CATSPERD: variants seen among roughly 807,000 people sequenced by gnomAD.
CATSPERD encodes catsper channel auxiliary subunit delta.
In CATSPERD, 86 loss-of-function variants were observed where a neutral mutation model predicts 98.1. The observed-to-expected ratio is 0.88, with a 90% confidence interval of 0.74 to 1.05. CATSPERD has a LOEUF of 1.05. Ranked by LOEUF, CATSPERD falls within the 50% of genes least tolerant of loss-of-function variation. The pLI, the probability that CATSPERD is intolerant of heterozygous loss-of-function variation, is 0.00. For synonymous variants in CATSPERD, 394 were observed against 390.2 expected (o/e 1.01, Z -0.12); for missense variants, 995 against 1,005.7 (o/e 0.99, Z 0.14).
At chr19:5,748,503 C>A (rs1451234673) in intron 10 of CATSPERD, among the ~76,000 whole-genome samples, 1 of 150,926 alleles carries the variant, frequency 6.6e-6, no homozygotes, top group Non-Finnish European at 1.5e-5. Context: ...TGGTGGTGGG[C>A]GACTATAATC....
rs551626577 is a variant in CATSPERD, at chr19:5,770,888, G to A, written c.1635-56G>A. Reference sequence around the variant, plus strand: ...AAAGAAACTGCGGCTGTGAAGGGTTGGCAGACTGGGCAGGAACTCACAGAC... The same window carrying A: ...AAAGAAACTGCGGCTGTGAAGGGTTAGCAGACTGGGCAGGAACTCACAGAC... On this transcript the variant is annotated intron_variant, in intron 18 of 21. Coordinates refer to ENST00000381624, the MANE Select transcript of CATSPERD (RefSeq NM_152784.4). The A allele has an allele frequency of 2.1e-5, 32 of 1,545,430 alleles. No individual in the cohort carries two copies. The East Asian group carries it at 5.0e-4, about 24-fold the overall frequency.
intron 11 of CATSPERD, among the ~76,000 whole-genome samples, chr19:5,750,455 A>AAG (rs2056190417): frequency 6.7e-6 from 1 of 149,678 alleles, no homozygotes; most frequent in Non-Finnish European, 1.5e-5. Flanking sequence ...TGTCTCAAAA[A>AAG]AAAAAAAAAA....
chr19:5,776,296 A>G lies in CATSPERD; in HGVS notation c.2077A>G (p.Ile693Val), dbSNP rs1446448222. The change falls in exon 21 of 22, where the codon ATC becomes GTC. Residue 693 changes from isoleucine to valine, a missense_variant. Physicochemically the swap from Ile to Val is conservative, Grantham distance 29 (BLOSUM62 3). Transcript: ENST00000381624. ...HNGFYVFYISIVDPYYSYCQL... is the reference protein window; with the variant it reads ...HNGFYVFYISVVDPYYSYCQL... ...TGGCTTTTATGTCTTCTACATTTCG[A>G]TCGTGGATCCGTACTACAGGTGAGT... The G allele has an allele frequency of 5.0e-6, 8 of 1,610,666 alleles. No homozygotes were observed. The highest frequency in any genetic ancestry group is 2.7e-5 in the African/African-American group (2 of 74,824).
chr19:5,756,912 C>T (rs528816878), intron 13 of CATSPERD, among the ~76,000 whole-genome samples: 4 of 151,532 alleles, frequency 2.6e-5, no homozygotes, highest in Admixed American at 1.3e-4. Context: ...CACTGCACTG[C>T]AGCCTGGGTG....
chr19:5,766,723 C>T (rs1433819930), intron 17 of CATSPERD, among the ~76,000 whole-genome samples: 1 of 150,442 alleles, frequency 6.6e-6, no homozygotes, highest in Admixed American at 6.6e-5. Context: ...GATGGAGTCT[C>T]GCCCTGTCAC....
In CATSPERD at chr19:5,772,886, C is replaced by T. The variant is rs78536254; in HGVS notation, c.1862C>T (p.Ser621Leu). 0.049 allele frequency: 79,326 copies of T among 1,613,944 alleles called. 4,361 individuals are homozygous for T. The highest frequency in any genetic ancestry group is 0.34 in the East Asian group (15,124 of 44,838). Reference sequence around the variant, plus strand: ...TACTCCTATTCCCTGACGGCCCAGTCGGCCATGTGTACCTCCCAGCCGCAG... The same window carrying T: ...TACTCCTATTCCCTGACGGCCCAGTTGGCCATGTGTACCTCCCAGCCGCAG... The part of the protein sequence containing the change: ...FSYSYSLTAQ[S>L]AMCTSQPQNW... The change falls in exon 20 of 22, where the codon TCG becomes TTG. Residue 621 changes from serine (S) to leucine (L), a missense_variant. Physicochemically the swap from Ser to Leu is moderately radical, Grantham distance 145 (BLOSUM62 -2). Around this residue, in one of 3 missense-constraint regions of CATSPERD, gnomAD observed 762 missense variants for 773.7 expected, o/e 0.98. Coordinates refer to ENST00000381624, the MANE Select transcript of CATSPERD (RefSeq NM_152784.4).
At chr19:5,770,228 G>A (rs2056619795) in intron 18 of CATSPERD, among the ~76,000 whole-genome samples, 3 of 151,436 alleles carry the variant, frequency 2.0e-5, no homozygotes, top group African/African-American at 7.3e-5. Flanking sequence ...AGGAGTTCAA[G>A]ACCAGCCCAG....
intron 21 of CATSPERD, 68 bp downstream of exon 21, chr19:5,776,383 G>C: frequency 1.3e-6 from 2 of 1,569,130 alleles, no homozygotes; most frequent in Non-Finnish European, 1.7e-6. Flanking sequence ...CACCCGTTTC[G>C]GGGGACATGC....
chr19:5,766,632 C>A (rs927068616), intron 17 of CATSPERD, among the ~76,000 whole-genome samples: 31 of 151,836 alleles, frequency 2.0e-4, no homozygotes, highest in Admixed American at 1.6e-3. Flanking sequence ...AATGATTCAC[C>A]CTAATAGGTT....
At position 5,751,653 on chromosome 19, in the gene CATSPERD, G is replaced by A. The variant is rs201162599; in HGVS notation, c.994G>A (p.Asp332Asn). The change falls in exon 12 of 22, where the codon GAC (aspartate) becomes AAC (asparagine). Residue 332 changes from aspartate to asparagine, a missense_variant. Transcript: ENST00000381624. ...GGAATCATTTTCTTCTTAGTTTGCA[G>A]ACCAATACATCTGGTCAGAAGACGT... The part of the protein sequence containing the change: ...IVPSSIIKFA[D>N]QYIWSEDVAL... 1 of 1,553,604 alleles carries A rather than the reference G, an allele frequency of 6.4e-7. No homozygotes were observed. The highest frequency in any genetic ancestry group is 8.7e-7 in the Non-Finnish European group (1 of 1,146,162).
At chr19:5,743,427 GT>G (rs2056028346) in intron 7 of CATSPERD, among the ~76,000 whole-genome samples, 1 of 151,736 alleles carries the variant, frequency 6.6e-6, no homozygotes, top group African/African-American at 2.4e-5. Context: ...GCGAAACCCC[GT>G]TTCTACTAAA....
intron 21 of CATSPERD, among the ~76,000 whole-genome samples, chr19:5,777,800 G>A (rs569965566): frequency 2.2e-4 from 34 of 151,526 alleles, no homozygotes; most frequent in African/African-American, 7.0e-4. Context: ...GCTTGAACCC[G>A]GGAGGCAGAG....
Position 5,728,290 on chromosome 19 carries a change from G to A in CATSPERD, c.203+946G>A, listed in dbSNP as rs148924216. The stretch of plus-strand genomic sequence containing the variant: ...GGAGAATCACTTGAACCCAGGAGTC[G>A]GAGGTTGCAGTGAGCTGAGATCGCA... On this transcript the variant is annotated intron_variant, in intron 3 of 21. Coordinates refer to ENST00000381624, the MANE Select transcript of CATSPERD (RefSeq NM_152784.4). Among the ~76,000 whole-genome samples the A allele has an allele frequency of 8.0e-3, 1,192 of 149,600 alleles. 19 individuals are homozygous for A. The highest frequency in any genetic ancestry group is 0.027 in the African/African-American group (1,112 of 40,660).
chr19:5,768,586 T>C (rs2056587756), intron 18 of CATSPERD, among the ~76,000 whole-genome samples: 1 of 151,922 alleles, frequency 6.6e-6, no homozygotes, highest in South Asian at 2.1e-4. Flanking sequence ...TCCGCCCACC[T>C]CAGCCTCCCA....
rs115559237 is a variant in CATSPERD, at chr19:5,726,036, G to A, written c.126+1174G>A. 2.2e-3 allele frequency among the ~76,000 whole-genome samples: 338 copies of A among 151,916 alleles called. 3 individuals are homozygous for A. Among genetic ancestry groups the A allele is most frequent in the African/African-American group, 7.9e-3 (328 of 41,474 alleles). On this transcript the variant is annotated intron_variant, in intron 2 of 21. Transcript: ENST00000381624. ...ATAGTAACATGAATAGGTATGAGAT[G>A]TGATATGAATAATTACCCTGTTAAT... is the stretch of plus-strand genomic sequence containing the variant.
chr19:5,768,714 G>A (rs374613934), intron 18 of CATSPERD, among the ~76,000 whole-genome samples: 1 of 152,120 alleles, frequency 6.6e-6, no homozygotes, highest in East Asian at 1.9e-4. Context: ...GCTCACCACA[G>A]CCTCGACCTC....
chr19:5,740,639 C>T (rs1246225952), intron 7 of CATSPERD, among the ~76,000 whole-genome samples: 6 of 149,916 alleles, frequency 4.0e-5, no homozygotes, highest in East Asian at 2.0e-4. Flanking sequence ...TATTGGCGGA[C>T]GCCTGTAATC....
intron 12 of CATSPERD, 35 bp from the exon 13 acceptor site, chr19:5,754,097 G>A (rs755892642): frequency 2.8e-6 from 4 of 1,414,814 alleles, no homozygotes; most frequent in South Asian, 2.3e-5. Flanking sequence ...GGGAACAGGA[G>A]CATGATTATC....
At chr19:5,741,792 GGGGGGGT>G (rs1358914379) in intron 7 of CATSPERD, among the ~76,000 whole-genome samples, 4 of 96,060 alleles carry the variant, frequency 4.2e-5, no homozygotes, top group Non-Finnish European at 9.7e-5. Flanking sequence ...AGGCGGGGGG[GGGGGGGT>G]GGTGTGGATC....
Sources: allele counts gnomAD v4.1 joint callset (sites outside exome capture counted in the v4.1 genomes callset), GRCh38; gene constraint gnomAD v4.1.1; regional missense constraint gnomAD v4.1.1; transcripts MANE v1.5; gene names NCBI Gene and HGNC (gene_info 2026-07-23, HGNC 2026-07-21).